FBXL13: variants seen among roughly 807,000 people sequenced by gnomAD.
The protein encoded by FBXL13 is F-box and leucine rich repeat protein 13, also known as F-box and leucine-rich repeat protein 13.
In FBXL13, 67 loss-of-function variants were observed where a neutral mutation model predicts 83.6. That is an observed-to-expected ratio of 0.80 (90% confidence interval 0.66 to 0.98). The LOEUF (loss-of-function observed/expected upper bound fraction) is 0.98, where lower values mean the gene tolerates loss of function less well. Ranked by LOEUF, FBXL13 falls within the 50% of genes least tolerant of loss-of-function variation. FBXL13 has a pLI of 0.00. For synonymous variants in FBXL13, 272 were observed against 299.5 expected, an observed-to-expected ratio of 0.91 and a Z score of 0.95; for missense variants, 822 against 866.5, an observed-to-expected ratio of 0.95 and a Z score of 0.64.
At chr7:103,058,874 C>T (rs962334887) in intron 1 of FBXL13, among the ~76,000 whole-genome samples, 1 of 152,192 alleles carries the variant, frequency 6.6e-6, no homozygotes, top group African/African-American at 2.4e-5. Flanking sequence ...AAAAGCTATC[C>T]TGCAGAAGTC....
chr7:102,847,142 C>T (rs1030861741), intron 17 of FBXL13, among the ~76,000 whole-genome samples: 12 of 151,710 alleles, frequency 7.9e-5, no homozygotes, highest in South Asian at 2.1e-4. Flanking sequence ...TGGGAAGTTG[C>T]GACAGAGACT....
intron 6 of FBXL13, among the ~76,000 whole-genome samples, chr7:103,024,184 A>AGAGG: frequency 6.9e-6 from 1 of 145,282 alleles, no homozygotes; most frequent in African/African-American, 2.6e-5. Context: ...AGAGAGAGAG[A>AGAGG]GAAATAATTA....
intron 6 of FBXL13, among the ~76,000 whole-genome samples, chr7:103,005,208 T>A (rs570873008): frequency 1.3e-5 from 2 of 152,294 alleles, no homozygotes; most frequent in African/African-American, 4.8e-5. Context: ...GCATCTGATG[T>A]AAATACTGCA....
chr7:102,843,456 C>CA (rs1454505884), intron 17 of FBXL13, among the ~76,000 whole-genome samples: 77 of 151,328 alleles, frequency 5.1e-4, no homozygotes, highest in Non-Finnish European at 2.7e-4. Flanking sequence ...AAAACAAAAA[C>CA]AAAAAACAAA....
chr7:102,979,956 T>G (rs1003826262), intron 6 of FBXL13, among the ~76,000 whole-genome samples: 1 of 152,134 alleles, frequency 6.6e-6, no homozygotes, highest in Non-Finnish European at 1.5e-5. Context: ...CAAACAAACA[T>G]GGGCCAAGAG....
At chr7:103,066,868 C>T (rs1201859275) in intron 1 of FBXL13, among the ~76,000 whole-genome samples, 2 of 150,770 alleles carry the variant, frequency 1.3e-5, no homozygotes, top group Non-Finnish European at 3.0e-5. Context: ...CGCAGCTCAC[C>T]GCAACCTTCG....
chr7:102,908,189 C>A (rs1814053088), intron 11 of FBXL13, among the ~76,000 whole-genome samples: 1 of 152,256 alleles, frequency 6.6e-6, no homozygotes, highest in South Asian at 2.1e-4. Context: ...ATCAGTTCTG[C>A]TATTAAAGGA....
chr7:102,970,220 C>G (rs1338250945), intron 6 of FBXL13, among the ~76,000 whole-genome samples: 1 of 152,088 alleles, frequency 6.6e-6, no homozygotes, highest in Non-Finnish European at 1.5e-5. Flanking sequence ...GACTGCACTC[C>G]AGCCTGGGCA....
At position 103,025,056 on chromosome 7, in the gene FBXL13, T is replaced by C. The variant is rs200026281; in HGVS notation, c.495+7A>G. ...TAGTATATAATGTATACTGAATTCA[T>C]ACAAACCTGTAATATTGCTCTTTCA... On this transcript the variant is annotated splice_region_variant and intron_variant, in intron 6 of 19. Coordinates refer to ENST00000313221, the Ensembl canonical transcript of FBXL13. The C allele has an allele frequency of 4.4e-6, 7 of 1,603,510 alleles. No homozygotes were observed. In the African/African-American group the frequency reaches 6.7e-5, roughly 15 times the overall value.
chr7:103,069,276 C>T (rs549765575), intron 1 of FBXL13, among the ~76,000 whole-genome samples: 23 of 152,252 alleles, frequency 1.5e-4, no homozygotes, highest in Non-Finnish European at 1.9e-4. Context: ...ACCTGGTTGC[C>T]GCCCCATCTG....
At chr7:103,060,930 T>C (rs1227457719) in intron 1 of FBXL13, among the ~76,000 whole-genome samples, 1 of 152,220 alleles carries the variant, frequency 6.6e-6, no homozygotes, top group Non-Finnish European at 1.5e-5. Context: ...GGGACGGAGA[T>C]GGAGGTAGCA....
chr7:103,013,210 A>G (rs762661087), intron 6 of FBXL13, among the ~76,000 whole-genome samples: 2 of 152,226 alleles, frequency 1.3e-5, no homozygotes, highest in Admixed American at 1.3e-4. Context: ...CCCCACTGAC[A>G]CTATTGAACA....
intron 2 of FBXL13, among the ~76,000 whole-genome samples, chr7:103,041,479 A>G (rs1795688270): frequency 6.6e-6 from 1 of 152,216 alleles, no homozygotes. Context: ...TTATGAGGCT[A>G]GCATCATCCT....
intron 6 of FBXL13, among the ~76,000 whole-genome samples, chr7:103,017,773 A>G (rs1338613608): frequency 3.5e-5 from 4 of 114,024 alleles, no homozygotes; most frequent in East Asian, 3.9e-4. Flanking sequence ...AAGTTTAGAG[A>G]AAAAAAAGAG....
intron 1 of FBXL13, among the ~76,000 whole-genome samples, chr7:103,056,689 C>T (rs755165426): frequency 1.3e-5 from 2 of 152,138 alleles, no homozygotes; most frequent in Non-Finnish European, 2.9e-5. Flanking sequence ...AACTCCTGAC[C>T]TCAGGTGATC....
intron 8 of FBXL13, among the ~76,000 whole-genome samples, chr7:102,941,265 G>A (rs1821365108): frequency 6.6e-6 from 1 of 152,088 alleles, no homozygotes; most frequent in African/African-American, 2.4e-5. Flanking sequence ...ACATTAGTGT[G>A]CAAGTCAGTC....
At chr7:102,968,630 C>T (rs954916590) in intron 6 of FBXL13, among the ~76,000 whole-genome samples, 11 of 152,184 alleles carry the variant, frequency 7.2e-5, no homozygotes, top group African/African-American at 2.7e-4. Flanking sequence ...TCAGGAAATC[C>T]TGCTGGTACA....
chr7:103,027,193 G>A (rs1479779245), intron 5 of FBXL13, among the ~76,000 whole-genome samples: 1 of 151,982 alleles, frequency 6.6e-6, no homozygotes, highest in Non-Finnish European at 1.5e-5. Context: ...CTACTCAGGA[G>A]GCTGAGGCAG....
intron 2 of FBXL13, among the ~76,000 whole-genome samples, chr7:103,038,010 G>A (rs561054386): frequency 6.6e-6 from 1 of 152,274 alleles, no homozygotes; most frequent in Non-Finnish European, 1.5e-5. Context: ...CCTCACCCAG[G>A]AAGTGCAAGG....
Sources: allele counts gnomAD v4.1 joint callset (sites outside exome capture counted in the v4.1 genomes callset), GRCh38; gene constraint gnomAD v4.1.1; transcripts MANE v1.5; gene names NCBI Gene and HGNC (gene_info 2026-07-23, HGNC 2026-07-21).